The following PDE4D variants were observed in gnomAD, a reference collection of about 807,000 sequenced individuals.
PDE4D encodes 3',5'-cyclic-AMP phosphodiesterase 4D.
PDE4D carries 24 observed loss-of-function variants against 87.4 expected under a neutral mutation model. That is an observed-to-expected ratio of 0.27 (90% CI 0.20 to 0.39). The LOEUF (loss-of-function observed/expected upper bound fraction) is 0.39, where lower values mean the gene tolerates loss of function less well. Among genes scored for constraint, PDE4D ranks in the 10% least tolerant of loss-of-function variants. PDE4D has a pLI of 1.00. For missense variants in PDE4D, 714 were observed against 1,041.0 expected, an observed-to-expected ratio of 0.69 and a Z score of 4.32; for synonymous variants, 384 against 383.2, an observed-to-expected ratio of 1.00 and a Z score of -0.02.
At chr5:59,923,357 C>A (rs1285211042) in intron 3 of PDE4D, among the ~76,000 whole-genome samples, 2 of 152,168 alleles carry the variant, frequency 1.3e-5, no homozygotes, top group African/African-American at 4.8e-5. Context: ...GGACCTTGAG[C>A]AAACATATGC....
chr5:59,774,106 T>G (rs545246083), intron 1 of PDE4D, among the ~76,000 whole-genome samples: 8 of 152,180 alleles, frequency 5.3e-5, no homozygotes, highest in African/African-American at 1.7e-4. Flanking sequence ...GTAAGATGCA[T>G]TGGATTTTTA....
chr5:60,509,339 C>A (rs2150253772), intron 1 of PDE4D, among the ~76,000 whole-genome samples: 1 of 152,308 alleles, frequency 6.6e-6, no homozygotes, highest in South Asian at 2.1e-4. Context: ...CCCTTGTTCA[C>A]CCTCAGCTGG....
intron 3 of PDE4D, among the ~76,000 whole-genome samples, chr5:59,188,084 G>A (rs1743337701): frequency 6.6e-6 from 1 of 152,018 alleles, no homozygotes; most frequent in Admixed American, 6.6e-5. Flanking sequence ...AAGTTCCATT[G>A]TTCTTTGCTT....
At chr5:59,363,478 A>G (rs1037941918) in intron 1 of PDE4D, among the ~76,000 whole-genome samples, 5 of 152,246 alleles carry the variant, frequency 3.3e-5, no homozygotes, top group African/African-American at 1.2e-4. Flanking sequence ...CTGGAATATA[A>G]GTAAATACAG....
intron 1 of PDE4D, among the ~76,000 whole-genome samples, chr5:59,498,592 C>T (rs1206182330): frequency 6.6e-6 from 1 of 151,612 alleles, no homozygotes; most frequent in Non-Finnish European, 1.5e-5. Context: ...AAAGATCTAT[C>T]ATGCAAATAG....
At chr5:60,445,609 C>G (rs994582969) in intron 1 of PDE4D, among the ~76,000 whole-genome samples, 2 of 151,970 alleles carry the variant, frequency 1.3e-5, no homozygotes, top group African/African-American at 2.4e-5. Flanking sequence ...AAAAGGAAAA[C>G]ATCAAAGACT....
intron 2 of PDE4D, among the ~76,000 whole-genome samples, chr5:60,082,411 A>G (rs1345903111): frequency 6.8e-6 from 1 of 148,058 alleles, no homozygotes; most frequent in Non-Finnish European, 1.5e-5. Context: ...CCAGCCTCCA[A>G]AACTGTGAGA....
chr5:59,076,578 T>C (rs1274871800), intron 5 of PDE4D, among the ~76,000 whole-genome samples: 1 of 152,192 alleles, frequency 6.6e-6, no homozygotes, highest in Non-Finnish European at 1.5e-5. Flanking sequence ...ACAAGTGTGA[T>C]AAATATGATT....
At chr5:59,138,979 T>C (rs1777522051) in intron 5 of PDE4D, among the ~76,000 whole-genome samples, 1 of 152,154 alleles carries the variant, frequency 6.6e-6, no homozygotes, top group Admixed American at 6.5e-5. Flanking sequence ...AAGGGGCAAG[T>C]AGGTACCCTG....
intron 1 of PDE4D, among the ~76,000 whole-genome samples, chr5:59,565,323 A>G (rs1820693388): frequency 6.6e-6 from 1 of 152,136 alleles, no homozygotes; most frequent in Admixed American, 6.5e-5. Context: ...GATCAAAACC[A>G]ACTTGGGCAA....
At chr5:60,250,537 G>T (rs75754949) in intron 1 of PDE4D, among the ~76,000 whole-genome samples, 1 of 151,934 alleles carries the variant, frequency 6.6e-6, no homozygotes, top group Non-Finnish European at 1.5e-5. Context: ...GGTCCCATTA[G>T]ATTATAACGA....
chr5:60,335,056 T>G (rs2149879051), intron 1 of PDE4D: 1 of 152,366 alleles, frequency 6.6e-6, no homozygotes, highest in Non-Finnish European at 1.5e-5. Context: ...GTATGCAATG[T>G]GATTTAAAAA....
At chr5:60,069,222 T>A (rs1453311715) in intron 2 of PDE4D, among the ~76,000 whole-genome samples, 1 of 152,206 alleles carries the variant, frequency 6.6e-6, no homozygotes, top group Non-Finnish European at 1.5e-5. Flanking sequence ...TAAATCTATA[T>A]GTTGAATGGC....
intron 1 of PDE4D, among the ~76,000 whole-genome samples, chr5:59,226,278 A>C (rs61612242): frequency 0.013 from 1,986 of 152,316 alleles, 36 homozygotes; most frequent in East Asian, 0.057. Flanking sequence ...TGGATTAAAA[A>C]ATGTGGTATA....
At chr5:59,424,057 A>G (rs780489975) in intron 1 of PDE4D, among the ~76,000 whole-genome samples, 3 of 152,074 alleles carry the variant, frequency 2.0e-5, no homozygotes, top group Non-Finnish European at 2.9e-5. Flanking sequence ...GCAACTGGAT[A>G]GTGGTAGAGT....
At chr5:60,439,732 T>A (rs1318841302) in intron 1 of PDE4D, among the ~76,000 whole-genome samples, 1 of 152,034 alleles carries the variant, frequency 6.6e-6, no homozygotes, top group African/African-American at 2.4e-5. Context: ...CCTCTCTCCA[T>A]CTCCACTGTT....
At chr5:59,091,942 G>T (rs1768826957) in intron 5 of PDE4D, among the ~76,000 whole-genome samples, 2 of 152,064 alleles carry the variant, frequency 1.3e-5, no homozygotes, top group African/African-American at 4.8e-5. Flanking sequence ...CTCCTTAAAT[G>T]ACATGCATTT....
At chr5:60,495,330 C>T (rs538379365) in intron 1 of PDE4D, among the ~76,000 whole-genome samples, 4 of 152,236 alleles carry the variant, frequency 2.6e-5, no homozygotes, top group East Asian at 3.9e-4. Flanking sequence ...CAGTGGCTCT[C>T]GAATGTCATG....
At chr5:59,426,267 C>T (rs532564694) in intron 1 of PDE4D, among the ~76,000 whole-genome samples, 2 of 152,188 alleles carry the variant, frequency 1.3e-5, no homozygotes, top group South Asian at 2.1e-4. Flanking sequence ...TTCTTATGAC[C>T]GTCCTAACAA....
Sources: gnomAD v4.1 joint callset for allele counts (sites outside exome capture counted in the v4.1 genomes callset) on GRCh38, gnomAD v4.1.1 for gene constraint, MANE v1.5 for transcripts, NCBI Gene and HGNC (gene_info 2026-07-23, HGNC 2026-07-21) for gene names.